DRC11: variants seen among roughly 807,000 people sequenced by gnomAD.
The protein encoded by DRC11 is dynein regulatory complex subunit 11.
At chr2:236,358,758 G>C in the DRC11 span, among the ~76,000 whole-genome samples, 1 of 149,402 alleles carries the variant, frequency 6.7e-6, no homozygotes, top group African/African-American at 2.5e-5. Flanking sequence ...GTGACACTCA[G>C]AGTGCTGAAT....
the DRC11 span, among the ~76,000 whole-genome samples, chr2:236,379,952 T>C: frequency 6.6e-6 from 1 of 152,258 alleles, no homozygotes; most frequent in Non-Finnish European, 1.5e-5. Context: ...ATAAGACCTA[T>C]GGGAAGAAAA....
At chr2:236,358,246 G>A in the DRC11 span, among the ~76,000 whole-genome samples, 1 of 127,508 alleles carries the variant, frequency 7.8e-6, no homozygotes, top group Non-Finnish European at 1.5e-5. Context: ...ATAATATATA[G>A]ATGTATACTA....
the DRC11 span, among the ~76,000 whole-genome samples, chr2:236,370,502 C>T: frequency 6.6e-6 from 1 of 151,964 alleles, no homozygotes; most frequent in African/African-American, 2.4e-5. This position sits in a 1 kb window ranked among gnomAD's most constrained non-coding sequence, Gnocchi z 5.5. Flanking sequence ...CAGCCCCAGG[C>T]CCTGGAGGTC....
At chr2:236,339,098 G>T in the DRC11 span, among the ~76,000 whole-genome samples, 1 of 152,158 alleles carries the variant, frequency 6.6e-6, no homozygotes, top group Admixed American at 6.5e-5. Flanking sequence ...AATGGTGAGA[G>T]CCTCTGCAGA....
chr2:236,322,292 T>C, the DRC11 span, among the ~76,000 whole-genome samples: 1 of 146,892 alleles, frequency 6.8e-6, no homozygotes, highest in Non-Finnish European at 1.5e-5. Flanking sequence ...TGTAGTGCAG[T>C]GGTGCAATCT....
chr2:236,462,498 C>T, the DRC11 span, among the ~76,000 whole-genome samples: 2 of 152,036 alleles, frequency 1.3e-5, no homozygotes, highest in Non-Finnish European at 2.9e-5. This position sits in a 1 kb window ranked among gnomAD's most constrained non-coding sequence, Gnocchi z 6.4. Flanking sequence ...ATGGTGAAAC[C>T]CTGTCTCTAC....
At chr2:236,357,962 A>T in the DRC11 span, among the ~76,000 whole-genome samples, 1 of 114,486 alleles carries the variant, frequency 8.7e-6, no homozygotes, top group Non-Finnish European at 1.6e-5. Context: ...AATATATATA[A>T]TATATGAATA....
chr2:236,442,044 T>C, the DRC11 span, among the ~76,000 whole-genome samples: 1 of 152,136 alleles, frequency 6.6e-6, no homozygotes, highest in African/African-American at 2.4e-5. Flanking sequence ...GAGGCTGAAG[T>C]GAGCCATGAC....
chr2:236,357,046 T>TATC, the DRC11 span, among the ~76,000 whole-genome samples: 2 of 95,312 alleles, frequency 2.1e-5, no homozygotes, highest in African/African-American at 3.5e-5. Flanking sequence ...TATTCATATA[T>TATC]TATATATCTA....
At chr2:236,503,478 T>C in the DRC11 span, among the ~76,000 whole-genome samples, 1 of 152,212 alleles carries the variant, frequency 6.6e-6, no homozygotes, top group Non-Finnish European at 1.5e-5. This position sits in a 1 kb window ranked among gnomAD's most constrained non-coding sequence, Gnocchi z 4.9. Context: ...TCAAAGACAG[T>C]CCTGGTGGCT....
the DRC11 span, chr2:236,497,273 G>C: frequency 6.2e-7 from 1 of 1,613,888 alleles, no homozygotes; most frequent in African/African-American, 1.3e-5. This position sits in a 1 kb window ranked among gnomAD's most constrained non-coding sequence, Gnocchi z 5.1. Context: ...ACCCCGTCCA[G>C]GACTTTCCTG....
chr2:236,321,189 A>G, the DRC11 span, among the ~76,000 whole-genome samples: 1 of 152,154 alleles, frequency 6.6e-6, no homozygotes, highest in East Asian at 1.9e-4. Context: ...ATACCCACGA[A>G]GACTATGTAA....
chr2:236,358,498 A>T, the DRC11 span, among the ~76,000 whole-genome samples: 1 of 144,504 alleles, frequency 6.9e-6, no homozygotes, highest in East Asian at 2.0e-4. Flanking sequence ...TGAACATGCA[A>T]TAAACATTTC....
chr2:236,369,081 G>A, the DRC11 span: 2 of 152,190 alleles, frequency 1.3e-5, no homozygotes, highest in Non-Finnish European at 2.9e-5. This position sits in a 1 kb window ranked among gnomAD's most constrained non-coding sequence, Gnocchi z 4.5. Flanking sequence ...TGAATCTGGA[G>A]TAAAAATATT....
At chr2:236,481,439 T>C in the DRC11 span, among the ~76,000 whole-genome samples, 15 of 152,126 alleles carry the variant, frequency 9.9e-5, no homozygotes, top group Non-Finnish European at 1.6e-4. Context: ...TTTCTTACTA[T>C]TGGCTCAGAA....
chr2:236,338,188 G>T, the DRC11 span: 1 of 1,610,548 alleles, frequency 6.2e-7, no homozygotes, highest in Non-Finnish European at 8.5e-7. Flanking sequence ...GCATGGGAAG[G>T]GGCTGGGGGT....
the DRC11 span, among the ~76,000 whole-genome samples, chr2:236,463,543 C>T: frequency 1.3e-5 from 2 of 152,054 alleles, no homozygotes; most frequent in Non-Finnish European, 2.9e-5. This position sits in a 1 kb window ranked among gnomAD's most constrained non-coding sequence, Gnocchi z 5.0. Context: ...AACTCTCAGT[C>T]AAAAACATGT....
At chr2:236,497,484 C>T in the DRC11 span, 1 of 1,596,508 alleles carries the variant, frequency 6.3e-7, no homozygotes, top group Non-Finnish European at 8.5e-7. This position sits in a 1 kb window ranked among gnomAD's most constrained non-coding sequence, Gnocchi z 5.1. Flanking sequence ...TCTTATTATA[C>T]ATTCTGGGGG....
chr2:236,458,775 G>C, the DRC11 span, among the ~76,000 whole-genome samples: 26 of 152,178 alleles, frequency 1.7e-4, no homozygotes, highest in Non-Finnish European at 3.4e-4. Context: ...GCCAGGCATG[G>C]TGGCTTACGC....
Sources: allele counts gnomAD v4.1 joint callset (sites outside exome capture counted in the v4.1 genomes callset), GRCh38; gene constraint gnomAD v4.1.1; non-coding constraint Gnocchi (gnomAD v3.1); transcripts MANE v1.5; gene names NCBI Gene and HGNC (gene_info 2026-07-23, HGNC 2026-07-21).